SSH1: variants seen among roughly 807,000 people sequenced by gnomAD.
SSH1 encodes the protein protein phosphatase Slingshot homolog 1.
In SSH1, 43 loss-of-function variants were observed where a neutral mutation model predicts 79.7. That is an observed-to-expected ratio of 0.54 (90% CI 0.42 to 0.70). The LOEUF is 0.70. SSH1 is among the 30% of genes least tolerant of loss of function. SSH1 has a pLI of 0.00. For synonymous variants in SSH1, 599 were observed against 538.3 expected (o/e 1.11, Z -1.56); for missense variants, 1,206 against 1,358.8 (o/e 0.89, Z 1.77).
intron 3 of SSH1, 70 bp from the exon 4 acceptor site, chr12:108,818,383 G>T (rs377109647): frequency 3.5e-6 from 5 of 1,424,514 alleles, no homozygotes; most frequent in African/African-American, 2.8e-5. Context: ...CCTCTGAAAG[G>T]CTGACTTTGA....
intron 2 of SSH1, among the ~76,000 whole-genome samples, chr12:108,831,180 G>C (rs557113579): frequency 2.6e-5 from 4 of 152,268 alleles, no homozygotes; most frequent in African/African-American, 9.6e-5. Context: ...AGATTGATGG[G>C]ACAGGCTGAG....
At chr12:108,839,908 T>C (rs1247707534) in intron 2 of SSH1, among the ~76,000 whole-genome samples, 4 of 152,082 alleles carry the variant, frequency 2.6e-5, no homozygotes, top group African/African-American at 9.7e-5. Flanking sequence ...GGCCAGACAC[T>C]GTACACAGAA....
intron 12 of SSH1, among the ~76,000 whole-genome samples, 176 bp from the exon 13 acceptor site, chr12:108,799,376 C>T (rs974583587): frequency 1.3e-5 from 2 of 152,202 alleles, no homozygotes; most frequent in Non-Finnish European, 1.5e-5. Flanking sequence ...CAGATGTCCA[C>T]GCACTCTCTA....
intron 13 of SSH1, among the ~76,000 whole-genome samples, chr12:108,796,343 T>C (rs1267909047): frequency 6.6e-6 from 1 of 152,334 alleles, no homozygotes; most frequent in South Asian, 2.1e-4. Context: ...TCGGTACCCA[T>C]TGAACAGTAA....
chr12:108,857,096 TG>T lies in SSH1; in HGVS notation c.69+331del, dbSNP rs1177137775. Among the ~76,000 whole-genome samples, 2 of 152,188 alleles carry T rather than the reference TG, an allele frequency of 1.3e-5. No homozygotes were observed. Among genetic ancestry groups the T allele is most frequent in the African/African-American group, 4.8e-5 (2 of 41,450 alleles). On this transcript the variant is annotated intron_variant, in intron 1 of 14. Coordinates refer to ENST00000326495, the MANE Select transcript of SSH1 (RefSeq NM_018984.4). The surrounding 1 kb of genome is among the most constrained non-coding windows in gnomAD (Gnocchi z 4.7). ...CCGCCTAACAGGGGTCACCCCAAGATGGGGGTAACCCCCTGATGTGGGTCAC... is the reference window on the plus strand; with the variant it reads ...CCGCCTAACAGGGGTCACCCCAAGATGGGGTAACCCCCTGATGTGGGTCAC...
intron 1 of SSH1, among the ~76,000 whole-genome samples, chr12:108,854,968 A>G (rs1313546519): frequency 2.6e-5 from 4 of 152,232 alleles, no homozygotes; most frequent in Admixed American, 6.5e-5. Flanking sequence ...TTCAAAGCCA[A>G]GCAATGAATG....
chr12:108,850,990 CCAGA>C (rs1367925521), intron 2 of SSH1, among the ~76,000 whole-genome samples: 2 of 151,992 alleles, frequency 1.3e-5, no homozygotes, highest in Non-Finnish European at 2.9e-5. Context: ...CTGCTTCCAC[CCAGA>C]CAGTCTGATC....
intron 13 of SSH1, 84 bp from the exon 14 acceptor site, chr12:108,792,913 G>A: frequency 1.3e-6 from 2 of 1,568,350 alleles, no homozygotes; most frequent in South Asian, 1.1e-5. Context: ...GAGCCAGTGA[G>A]GGGCTGCCCA....
At chr12:108,828,675 G>A (rs139589158) in intron 2 of SSH1, among the ~76,000 whole-genome samples, 14 of 152,304 alleles carry the variant, frequency 9.2e-5, no homozygotes, top group African/African-American at 3.4e-4. Flanking sequence ...GAAGGGCAGG[G>A]GACCCACAGC....
At chr12:108,851,020 G>T (rs964790132) in intron 2 of SSH1, among the ~76,000 whole-genome samples, 1 of 151,950 alleles carries the variant, frequency 6.6e-6, no homozygotes, top group African/African-American at 2.4e-5. Flanking sequence ...CTCGGCCCAT[G>T]ACTGCCCCCA....
intron 2 of SSH1, 54 bp downstream of exon 2, chr12:108,852,584 T>C: frequency 1.2e-6 from 2 of 1,607,726 alleles, no homozygotes; most frequent in Non-Finnish European, 8.5e-7. Context: ...AACAAGAGCA[T>C]TCCTTACCTG....
intron 2 of SSH1, among the ~76,000 whole-genome samples, chr12:108,834,669 G>C (rs188685486): frequency 6.6e-6 from 1 of 152,144 alleles, no homozygotes; most frequent in African/African-American, 2.4e-5. Flanking sequence ...TTAGTGATAG[G>C]AACCTAGGAA....
chr12:108,852,452 G>C (rs996972964), intron 2 of SSH1, among the ~76,000 whole-genome samples, 186 bp downstream of exon 2: 1 of 151,624 alleles, frequency 6.6e-6, no homozygotes, highest in African/African-American at 2.4e-5. Context: ...GGATGGTCTC[G>C]ATCTCCTGAC....
chr12:108,786,325 T>C lies in SSH1; in HGVS notation c.*1663A>G, dbSNP rs1022965747. ...TCCCCCATGTACGCAACCTACTCCATCCTGCACAGGTGAGGCTAGTGCGGG... is the reference window on the plus strand; with the variant it reads ...TCCCCCATGTACGCAACCTACTCCACCCTGCACAGGTGAGGCTAGTGCGGG... On this transcript the variant is annotated 3_prime_UTR_variant, in exon 15 of 15. Coordinates refer to ENST00000326495, the MANE Select transcript of SSH1 (RefSeq NM_018984.4). 6.6e-6 allele frequency: 1 copy of C among 152,218 alleles called. No individual in the cohort carries two copies. Among genetic ancestry groups the C allele is most frequent in the Non-Finnish European group, 1.5e-5 (1 of 68,084 alleles). The allele number at this position is 152,218 out of a possible 1,614,324, so 9.4% of individuals were successfully genotyped here.
intron 14 of SSH1, 55 bp downstream of exon 14, chr12:108,792,231 T>G (rs762563650): frequency 6.2e-7 from 1 of 1,613,696 alleles, no homozygotes; most frequent in South Asian, 1.1e-5. Flanking sequence ...GTAGGCCAAT[T>G]AGAGTGGGAT....
rs149906852 is a variant in SSH1 at position 108,837,089 on chromosome 12, G to A, written c.111-13728C>T. On this transcript the variant is annotated intron_variant, in intron 2 of 14. Transcript: ENST00000326495. ...TCTACTAAAAATACAAAAATTAGCC[G>A]AGCGTGGTGGAGCATGCCCGTAATC... 2,457 of 379,346 alleles carry A rather than the reference G, an allele frequency of 6.5e-3. 55 individuals carry two copies. The highest frequency in any genetic ancestry group is 0.046 in the African/African-American group (2,242 of 48,658). 23.5% of individuals were successfully genotyped at this position (379,346 alleles called of 1,614,324 possible).
At chr12:108,818,114 C>T in intron 4 of SSH1, 135 bp downstream of exon 4, 6 of 726,534 alleles carry the variant, frequency 8.3e-6, no homozygotes, top group Non-Finnish European at 1.5e-5. Flanking sequence ...GGGAAGATTG[C>T]TTGAACCCAG....
chr12:108,808,144 G>A (rs1169792349), intron 7 of SSH1, among the ~76,000 whole-genome samples: 1 of 152,176 alleles, frequency 6.6e-6, no homozygotes, highest in African/African-American at 2.4e-5. Context: ...CACAATGTTG[G>A]ACAGGCTGGT....
At position 108,788,346 on chromosome 12, in the gene SSH1, T is replaced by G; in HGVS notation, c.2792A>C (p.Asn931Thr). 1 of 1,613,100 alleles carries G rather than the reference T, an allele frequency of 6.2e-7. No individual in the cohort carries two copies. The stretch of plus-strand genomic sequence containing the variant: ...ATCGCTGCTGGAGCTCCGGGTCAGG[T>G]TGGAGCTCATGGAAGAGGAGGTGGG... ...YTPTSSSMSS[N>T]LTRSSSSDSI... The change falls in exon 15 of 15, where the codon AAC becomes ACC. Residue 931 changes from asparagine (N) to threonine (T), a missense_variant. By Grantham distance (65) the Asn-to-Thr change is moderately conservative. This residue lies in a region of SSH1 where 709 missense variants were observed against 730.6 expected (regional missense o/e 0.97). Coordinates refer to ENST00000326495, the MANE Select transcript of SSH1 (RefSeq NM_018984.4).
Sources: allele counts gnomAD v4.1 joint callset (sites outside exome capture counted in the v4.1 genomes callset), GRCh38; gene constraint gnomAD v4.1.1; regional missense constraint gnomAD v4.1.1; non-coding constraint Gnocchi (gnomAD v3.1); transcripts MANE v1.5; gene names NCBI Gene and HGNC (gene_info 2026-07-23, HGNC 2026-07-21).